The following NMNAT1 variants were observed in gnomAD, a reference collection of about 807,000 sequenced individuals.
NMNAT1 encodes the protein nicotinamide/nicotinic acid mononucleotide adenylyltransferase 1.
NMNAT1 carries 11 observed loss-of-function variants against 16.7 expected under a neutral mutation model. The observed-to-expected ratio is 0.66, with a 90% CI of 0.41 to 1.09. The LOEUF (loss-of-function observed/expected upper bound fraction) is 1.09. Ranked by LOEUF, NMNAT1 falls within the 50% of genes least tolerant of loss-of-function variation. NMNAT1 has a pLI of 0.00. For missense variants in NMNAT1, 280 were observed against 332.3 expected (o/e 0.84, Z 1.22); for synonymous variants, 110 against 119.8 (o/e 0.92, Z 0.53).
At chr1:9,945,262 GAA>G (rs903143255) in intron 1 of NMNAT1, among the ~76,000 whole-genome samples, 1 of 151,622 alleles carries the variant, frequency 6.6e-6, no homozygotes, top group Non-Finnish European at 1.5e-5. Context: ...AACAAAAGAA[GAA>G]AAAAATAAAA....
At chr1:9,962,220 C>T (rs1266995395) in intron 1 of NMNAT1, among the ~76,000 whole-genome samples, 2 of 151,910 alleles carry the variant, frequency 1.3e-5, no homozygotes, top group Admixed American at 6.6e-5. Flanking sequence ...CGGTGGCTCA[C>T]GCCTATAATC....
At chr1:9,942,936 C>A, upstream of NMNAT1, 1 of 354,304 alleles carries the variant, frequency 2.8e-6, no homozygotes, top group Admixed American at 3.7e-5. Flanking sequence ...TTCTGAGTTT[C>A]TTCCTAGCGA....
Position 9,974,390 on chromosome 1 carries a change from A to ATT in NMNAT1, c.116-1188_116-1187dup, listed in dbSNP as rs70998335. ...ACAGGCATGCCACCACATCTGGCTAATTTTTTTTTTTTTTTGGAGACAGAG... is the reference window on the plus strand; with the variant it reads ...ACAGGCATGCCACCACATCTGGCTAATTTTTTTTTTTTTTTTTGGAGACAGAG... On this transcript the variant is annotated intron_variant, in intron 2 of 4. Coordinates refer to ENST00000377205, the MANE Select transcript of NMNAT1 (RefSeq NM_022787.4). 4.6e-3 allele frequency among the ~76,000 whole-genome samples: 644 copies of ATT among 139,396 alleles called. 7 individuals are homozygous for ATT. The highest frequency in any genetic ancestry group is 5.0e-3 in the Admixed American group (68 of 13,624). The allele number at this position is 139,396 out of a possible 152,430, so 91.4% of individuals were successfully genotyped here.
chr1:9,956,170 C>CTT (rs113840450), intron 1 of NMNAT1, among the ~76,000 whole-genome samples: 4 of 133,986 alleles, frequency 3.0e-5, no homozygotes, highest in African/African-American at 5.4e-5. Flanking sequence ...TGTTTCTTTT[C>CTT]TTTTTTTTTT....
chr1:9,953,615 AT>A (rs1570678962), intron 1 of NMNAT1, among the ~76,000 whole-genome samples: 1 of 150,900 alleles, frequency 6.6e-6, no homozygotes, highest in East Asian at 2.0e-4. Context: ...TAATTTTTGT[AT>A]TTTTAGTAGA....
At chr1:9,951,771 G>A (rs906721720) in intron 1 of NMNAT1, among the ~76,000 whole-genome samples, 3 of 152,062 alleles carry the variant, frequency 2.0e-5, no homozygotes, top group Non-Finnish European at 2.9e-5. Flanking sequence ...CACTGTGCCC[G>A]GCCTGTTTCA....
intron 1 of NMNAT1, among the ~76,000 whole-genome samples, chr1:9,966,655 T>A (rs1402011428): frequency 6.6e-6 from 1 of 152,130 alleles, no homozygotes; most frequent in African/African-American, 2.4e-5. Flanking sequence ...AAATATTTAT[T>A]TGAAAACCTT....
intron 1 of NMNAT1, among the ~76,000 whole-genome samples, chr1:9,954,453 C>T (rs1259307221): frequency 6.6e-6 from 1 of 152,094 alleles, no homozygotes; most frequent in African/African-American, 2.4e-5. Context: ...TCACACGATC[C>T]TCCCACCTCA....
chr1:9,975,417 C>G (rs1641783642), intron 2 of NMNAT1, among the ~76,000 whole-genome samples, 175 bp from the exon 3 acceptor site: 1 of 152,150 alleles, frequency 6.6e-6, no homozygotes, highest in African/African-American at 2.4e-5. Flanking sequence ...AGGAGAATTG[C>G]TTCAACCCAG....
chr1:9,987,457 A>G (rs4846185), downstream of NMNAT1, among the ~76,000 whole-genome samples: 148,183 of 152,006 alleles, frequency 0.97, 72,337 homozygotes, highest in East Asian at 1. Flanking sequence ...TGGCTAACAC[A>G]GTGGAACCCC....
At chr1:9,971,590 G>A (rs1045551352) in intron 1 of NMNAT1, among the ~76,000 whole-genome samples, 1 of 152,060 alleles carries the variant, frequency 6.6e-6, no homozygotes, top group African/African-American at 2.4e-5. Flanking sequence ...GGGATTACAT[G>A]TGTGAGCCAC....
At chr1:9,995,961 G>A in the NMNAT1 span, among the ~76,000 whole-genome samples, 2 of 151,786 alleles carry the variant, frequency 1.3e-5, no homozygotes, top group Non-Finnish European at 2.9e-5. Flanking sequence ...CCTGGGAGGC[G>A]GAGGTTGCAG....
At chr1:9,944,036 C>CTT (rs1553123576) in intron 1 of NMNAT1, among the ~76,000 whole-genome samples, 1 of 151,762 alleles carries the variant, frequency 6.6e-6, no homozygotes, top group Non-Finnish European at 1.5e-5. Flanking sequence ...AGGCGGATCA[C>CTT]GAGGTCAGGA....
At chr1:9,972,355 C>T (rs554404681) in intron 2 of NMNAT1, 167 bp downstream of exon 2, 25 of 516,084 alleles carry the variant, frequency 4.8e-5, no homozygotes, top group Non-Finnish European at 7.4e-5. Flanking sequence ...CTAAAAAATA[C>T]GAAAATTCAC....
intron 1 of NMNAT1, chr1:9,950,475 A>G (rs1000077845): frequency 6.6e-6 from 1 of 152,234 alleles, no homozygotes; most frequent in African/African-American, 2.4e-5. Context: ...AGGATAGGAG[A>G]TGGTCGTGTG....
At chr1:9,944,637 C>T (rs1640925126) in intron 1 of NMNAT1, among the ~76,000 whole-genome samples, 1 of 152,050 alleles carries the variant, frequency 6.6e-6, no homozygotes, top group Non-Finnish European at 1.5e-5. Context: ...GGCCTTGGCC[C>T]CTCAAAGTGT....
the NMNAT1 span, among the ~76,000 whole-genome samples, chr1:9,995,231 C>G: frequency 6.6e-6 from 1 of 152,012 alleles, no homozygotes; most frequent in Non-Finnish European, 1.5e-5. Flanking sequence ...TACTCCATCT[C>G]TATAAAAAAT....
chr1:9,946,817 T>G (rs1466747892), intron 1 of NMNAT1, among the ~76,000 whole-genome samples: 1 of 152,038 alleles, frequency 6.6e-6, no homozygotes, highest in Non-Finnish European at 1.5e-5. Flanking sequence ...GAAGAAAGAT[T>G]ATGTGAGGAC....
rs1240344819 is a variant in NMNAT1 at position 9,983,428 on chromosome 1, G to A, written c.*727G>A. 1.3e-5 allele frequency: 2 copies of A among 151,938 alleles called. No individual in the cohort carries two copies. The highest frequency in any genetic ancestry group is 4.8e-5 in the African/African-American group (2 of 41,352). 9.4% of individuals were successfully genotyped at this position (151,938 alleles called of 1,614,324 possible). A position where few individuals can be genotyped will look rare whatever the true frequency, so the allele number is the denominator to read the frequency against. On this transcript the variant is annotated 3_prime_UTR_variant, in exon 5 of 5. Transcript: ENST00000377205. ...CCAGCACTTTGGGAGGCCTAAGTGG[G>A]TGGATCACGTGAGGTCAAGAGTTCA...
Sources: allele counts gnomAD v4.1 joint callset (sites outside exome capture counted in the v4.1 genomes callset), GRCh38; gene constraint gnomAD v4.1.1; transcripts MANE v1.5; gene names NCBI Gene and HGNC (gene_info 2026-07-23, HGNC 2026-07-21).